Variants in CELA2A observed in about 807,000 individuals in gnomAD.
CELA2A encodes chymotrypsin like elastase 2A.
A neutral mutation model predicts 35.3 loss-of-function variants in CELA2A; 31 were observed. The observed-to-expected ratio is 0.88, with a 90% CI of 0.66 to 1.19. The LOEUF (loss-of-function observed/expected upper bound fraction) is 1.19, where lower values mean the gene tolerates loss of function less well. Ranked by LOEUF, CELA2A falls within the 50% of genes most tolerant of loss-of-function variation. CELA2A has a pLI of 0.00. For missense variants in CELA2A, 330 were observed against 352.9 expected (o/e 0.94, Z 0.52); for synonymous variants, 150 against 149.8 (o/e 1.00, Z -0.01).
At chr1:15,465,335 C>T (rs1020389867) in intron 5 of CELA2A, among the ~76,000 whole-genome samples, 2 of 152,092 alleles carry the variant, frequency 1.3e-5, no homozygotes, top group South Asian at 2.1e-4. Flanking sequence ...AGGCTTCAAT[C>T]GGAAGTGAAG....
At chr1:15,457,413 A>C (rs1570793991) in intron 2 of CELA2A, 2 of 469,884 alleles carry the variant, frequency 4.3e-6, no homozygotes, top group African/African-American at 2.0e-5. Flanking sequence ...GGAGTTTGAG[A>C]CCAGCCTGGC....
At chr1:15,456,926 T>C in intron 1 of CELA2A, 133 bp downstream of exon 1, 4 of 1,344,572 alleles carry the variant, frequency 3.0e-6, no homozygotes, top group Non-Finnish European at 4.2e-6. Flanking sequence ...AACATTGGAA[T>C]GGAGTTTCAA....
intron 2 of CELA2A, among the ~76,000 whole-genome samples, chr1:15,459,908 A>T (rs1708409744): frequency 6.6e-6 from 1 of 151,664 alleles, no homozygotes; most frequent in South Asian, 2.1e-4. Context: ...CTTGAGCCCA[A>T]GAGTTTGAGA....
intron 4 of CELA2A, 189 bp downstream of exon 4, chr1:15,463,050 G>C (rs3815791): frequency 0.26 from 241,764 of 947,988 alleles, 31,726 homozygotes; most frequent in Middle Eastern, 0.35. Flanking sequence ...CCTGGGGAGG[G>C]TGAAGCAAAG....
At chr1:15,470,877 G>T (rs893266790) in intron 7 of CELA2A, among the ~76,000 whole-genome samples, 5 of 152,034 alleles carry the variant, frequency 3.3e-5, no homozygotes, top group Admixed American at 3.3e-4. Flanking sequence ...CACTGTGCCT[G>T]GCCAAGTTGT....
Position 15,467,387 on chromosome 1 carries a change from G to A in CELA2A, c.641G>A (p.Gly214Glu). 6.2e-6 allele frequency: 10 copies of A among 1,613,078 alleles called. No homozygotes were observed. Among genetic ancestry groups the A allele is most frequent in the Non-Finnish European group, 8.5e-6 (10 of 1,180,016 alleles). ...GCCTATAACTCTGGCCTTCCTCAGG[G>A]AGACTCTGGCGGGCCACTGAACTGT... ...GGDGVISSCN[G>E]DSGGPLNCQA... is the part of the protein sequence containing the mutation. Residue 214 changes from glycine to glutamate, a missense_variant and splice_region_variant, in exon 7 of 8, where the codon GGA (glycine) becomes GAA (glutamate). Gly to Glu is a moderately conservative substitution (Grantham distance 98). Transcript: ENST00000359621.
intron 2 of CELA2A, among the ~76,000 whole-genome samples, chr1:15,461,251 G>A (rs975718801): frequency 5.3e-5 from 8 of 151,738 alleles, no homozygotes; most frequent in South Asian, 2.1e-4. Flanking sequence ...CTTATCAGAT[G>A]GGGTTTCACC....
At chr1:15,461,715 C>G in intron 3 of CELA2A, 57 bp downstream of exon 3, 2 of 1,602,958 alleles carry the variant, frequency 1.2e-6, no homozygotes, top group Non-Finnish European at 1.7e-6. Flanking sequence ...CATTTCTGAG[C>G]TGGGGGCTCA....
At chr1:15,465,300 C>T (rs34881618) in intron 5 of CELA2A, among the ~76,000 whole-genome samples, 40 of 152,176 alleles carry the variant, frequency 2.6e-4, no homozygotes, top group African/African-American at 9.2e-4. Flanking sequence ...GTGAGCACCG[C>T]GCCCGACCGA....
At position 15,466,586 on chromosome 1, in the gene CELA2A, T is replaced by G. The variant is rs544178712; in HGVS notation, c.639+442T>G. On this transcript the variant is annotated intron_variant, in intron 6 of 7. Transcript: ENST00000359621. ...AAAAAACAAAAAAACTTGATCTTGG[T>G]TCTTTTTTGTTCTTGTTTTGAGATG... Among the ~76,000 whole-genome samples the G allele has an allele frequency of 5.9e-5, 9 of 151,744 alleles. No individual in the cohort carries two copies. In the South Asian group the frequency reaches 1.9e-3, roughly 32 times the overall value.
intron 7 of CELA2A, among the ~76,000 whole-genome samples, chr1:15,468,741 C>A (rs1708554371): frequency 6.6e-6 from 1 of 152,128 alleles, no homozygotes. Context: ...GCCCGGGAGG[C>A]CAACGCTGCA....
chr1:15,463,554 G>A (rs1398114982), intron 5 of CELA2A, 32 bp downstream of exon 5: 11 of 1,612,532 alleles, frequency 6.8e-6, no homozygotes, highest in Non-Finnish European at 8.5e-6. Context: ...CCAGGCCTGG[G>A]AGGGAAGGGA....
chr1:15,463,441 C>T lies in CELA2A; in HGVS notation c.412C>T (p.Gln138Ter), dbSNP rs1380590703. Reference protein sequence around the residue: ...ANPVSLTDKIQLACLPPAGTI... With the variant: ...ANPVSLTDKI ...CCCCGTCTCCCTCACCGACAAGATC[C>T]AGCTGGCCTGCCTCCCTCCTGCCGG... Residue 138 changes from glutamine (Q) to a stop codon, truncating the protein, a stop_gained, in exon 5 of 8, where the codon CAG becomes TAG. Transcript: ENST00000359621. LOFTEE classifies it high-confidence loss of function. 1 of 1,614,040 alleles carries T rather than the reference C, an allele frequency of 6.2e-7. No individual in the cohort carries two copies. The highest frequency in any genetic ancestry group is 2.2e-5 in the East Asian group (1 of 44,888).
chr1:15,458,123 T>A (rs1238095833), intron 2 of CELA2A, among the ~76,000 whole-genome samples: 1 of 152,190 alleles, frequency 6.6e-6, no homozygotes, highest in East Asian at 1.9e-4. Context: ...ATATATATAG[T>A]AAAGATTTTA....
rs551623483 is a variant in CELA2A, at chr1:15,457,252, G to A, written c.129+78G>A. The A allele has an allele frequency of 3.4e-5, 48 of 1,391,386 alleles. No individual in the cohort carries two copies. The Admixed American group carries it at 5.9e-4, about 17-fold the overall frequency. The allele number at this position is 1,391,386 out of a possible 1,614,324, so 86.2% of individuals were successfully genotyped here. A position where few individuals can be genotyped will look rare whatever the true frequency, so the allele number is the denominator to read the frequency against. ...CTCCCCTTTGCCCTTCCACCATGGC[G>A]TCTATTGTGCTGGCAAAGTGAGTAT... On this transcript the variant is annotated intron_variant, in intron 2 of 7. Coordinates refer to ENST00000359621, the MANE Select transcript of CELA2A (RefSeq NM_033440.3).
intron 2 of CELA2A, among the ~76,000 whole-genome samples, chr1:15,460,188 G>A (rs1314212335): frequency 6.6e-6 from 1 of 152,054 alleles, no homozygotes; most frequent in African/African-American, 2.4e-5. Context: ...CCCGGGGGGC[G>A]AATGAGGATT....
chr1:15,461,843 A>G (rs930952977), intron 3 of CELA2A, 185 bp downstream of exon 3: 2 of 755,276 alleles, frequency 2.6e-6, no homozygotes, highest in African/African-American at 3.4e-5. Flanking sequence ...AGTACATGGC[A>G]TGGATGGAGT....
intron 2 of CELA2A, among the ~76,000 whole-genome samples, chr1:15,459,167 T>C (rs371404807): frequency 1.0e-4 from 15 of 149,414 alleles, no homozygotes; most frequent in African/African-American, 3.4e-4. Context: ...TAGTAATTTT[T>C]TTTTTTTTTT....
chr1:15,471,390 T>C (rs945826738), intron 7 of CELA2A, among the ~76,000 whole-genome samples: 3 of 151,954 alleles, frequency 2.0e-5, no homozygotes, highest in African/African-American at 7.3e-5. Context: ...CTACTAAAAA[T>C]GCAAAAAATT....
Sources: allele counts gnomAD v4.1 joint callset (sites outside exome capture counted in the v4.1 genomes callset), GRCh38; gene constraint gnomAD v4.1.1; transcripts MANE v1.5; gene names NCBI Gene and HGNC (gene_info 2026-07-23, HGNC 2026-07-21).